CDKL3: variants seen among roughly 807,000 people sequenced by gnomAD.
CDKL3 encodes cyclin-dependent kinase-like 3.
In CDKL3, 65 loss-of-function variants were observed where a neutral mutation model predicts 69.3. That is an observed-to-expected ratio of 0.94 (90% CI 0.77 to 1.15). The LOEUF (loss-of-function observed/expected upper bound fraction) is 1.15, where lower values mean the gene tolerates loss of function less well. Ranked by LOEUF, CDKL3 falls within the 50% of genes most tolerant of loss-of-function variation. The pLI, the probability that CDKL3 is intolerant of heterozygous loss-of-function variation, is 0.00. For missense variants in CDKL3, 652 were observed against 689.2 expected, an observed-to-expected ratio of 0.95 and a Z score of 0.61; for synonymous variants, 202 against 221.6, an observed-to-expected ratio of 0.91 and a Z score of 0.79.
At chr5:134,300,168 G>A (rs967593759) in intron 12 of CDKL3, among the ~76,000 whole-genome samples, 11 of 151,880 alleles carry the variant, frequency 7.2e-5, no homozygotes, top group African/African-American at 2.4e-4. Flanking sequence ...GTGAAACCCC[G>A]TCTCTACTCA....
At chr5:134,317,080 T>G (rs1462734671) in intron 6 of CDKL3, among the ~76,000 whole-genome samples, 1 of 152,186 alleles carries the variant, frequency 6.6e-6, no homozygotes, top group Non-Finnish European at 1.5e-5. Context: ...AATAAATAAA[T>G]TTTGTACTAA....
chr5:134,303,673 C>CCT (rs935566791), intron 11 of CDKL3, among the ~76,000 whole-genome samples: 1 of 151,096 alleles, frequency 6.6e-6, no homozygotes, highest in Non-Finnish European at 1.5e-5. Flanking sequence ...GTGGAACCCC[C>CCT]CCCCCGTCTC....
chr5:134,346,587 C>T (rs1025505997), intron 4 of CDKL3, among the ~76,000 whole-genome samples: 2 of 152,134 alleles, frequency 1.3e-5, no homozygotes, highest in African/African-American at 4.8e-5. Flanking sequence ...ACCTCTGCCT[C>T]CCGGGTTCAA....
In CDKL3 at chr5:134,303,225, G is replaced by A. The variant is rs143743545; in HGVS notation, c.1622-538C>T. 2.2e-3 allele frequency among the ~76,000 whole-genome samples: 334 copies of A among 151,912 alleles called. 8 individuals are homozygous for A. In the East Asian group the frequency reaches 0.051, roughly 23 times the overall value. ...TCCTGCCTCAGCCTCCCAAGTAGCC[G>A]GGATTACAGGCATGAGCCACCATGC... On this transcript the variant is annotated intron_variant, in intron 11 of 12. Transcript: ENST00000265334.
intron 3 of CDKL3, among the ~76,000 whole-genome samples, chr5:134,357,883 T>C (rs1380530005): frequency 6.6e-6 from 1 of 152,158 alleles, no homozygotes; most frequent in Non-Finnish European, 1.5e-5. Context: ...TAAAATAAAA[T>C]TAGATTTTGT....
At chr5:134,337,994 C>A (rs1777523292) in intron 4 of CDKL3, among the ~76,000 whole-genome samples, 1 of 152,094 alleles carries the variant, frequency 6.6e-6, no homozygotes, top group South Asian at 2.1e-4. Flanking sequence ...TTTTTGAAGA[C>A]CCCTCATACA....
rs770434665 is a variant in CDKL3, at chr5:134,321,920, A to G, written c.540-17T>C. The G allele has an allele frequency of 9.6e-6, 12 of 1,249,262 alleles. No individual in the cohort carries two copies. The highest frequency in any genetic ancestry group is 5.0e-5 in the Admixed American group (2 of 39,924). The allele number at this position is 1,249,262 out of a possible 1,614,324, so 77.4% of individuals were successfully genotyped here. On this transcript the variant is annotated splice_polypyrimidine_tract_variant and intron_variant, in intron 4 of 12. Transcript: ENST00000265334. ...TCCACAGGTCTGAAACAGATCAGGG[A>G]AAAAAAAATCACTTTTTCATGTAGA...
At chr5:134,313,028 T>C (rs1769995426) in intron 6 of CDKL3, among the ~76,000 whole-genome samples, 1 of 152,214 alleles carries the variant, frequency 6.6e-6, no homozygotes, top group Non-Finnish European at 1.5e-5. Context: ...AAAACAGGTT[T>C]TCAATAAAAA....
At chr5:134,306,775 G>A in intron 9 of CDKL3, 73 bp from the exon 10 acceptor site, 2 of 302,006 alleles carry the variant, frequency 6.6e-6, no homozygotes, top group Non-Finnish European at 4.9e-6. Flanking sequence ...TTTTTTTTTT[G>A]GCAGATTCTC....
chr5:134,294,979 T>C (rs1348037578), downstream of CDKL3, among the ~76,000 whole-genome samples: 10 of 151,430 alleles, frequency 6.6e-5, no homozygotes, highest in East Asian at 1.2e-3. Flanking sequence ...GTTTGTATCA[T>C]GCTCGTGAAT....
chr5:134,308,748 A>G, intron 7 of CDKL3, 21 bp from the exon 8 acceptor site: 1 of 1,561,204 alleles, frequency 6.4e-7, no homozygotes, highest in Non-Finnish European at 8.6e-7. Flanking sequence ...AAGCAATATC[A>G]ACGAGTAATC....
chr5:134,291,830 A>C (rs1305170668), intron 8 of CDKL3, among the ~76,000 whole-genome samples: 1 of 152,184 alleles, frequency 6.6e-6, no homozygotes, highest in African/African-American at 2.4e-5. Flanking sequence ...ATGTTGGAGT[A>C]ACACGTATCA....
chr5:134,338,722 A>C (rs1029107195), intron 4 of CDKL3, among the ~76,000 whole-genome samples: 12 of 151,414 alleles, frequency 7.9e-5, no homozygotes, highest in African/African-American at 2.9e-4. Flanking sequence ...GATAGTAAAA[A>C]AAATTATTAA....
rs778337033 is a variant in CDKL3, at chr5:134,326,827, A to ATGTG, written c.540-4925_540-4924insCACA. Among the ~76,000 whole-genome samples the ATGTG allele has an allele frequency of 6.8e-5, 7 of 103,086 alleles. No individual in the cohort carries two copies. In the South Asian group the frequency reaches 8.8e-4, roughly 13 times the overall value. 67.6% of individuals were successfully genotyped at this position (103,086 alleles called of 152,430 possible). On this transcript the variant is annotated intron_variant, in intron 4 of 12. Transcript: ENST00000265334. ...TATATATATGTGTGTGTATATATAT[A>ATGTG]TATATATATATATATATATATATAT...
intron 4 of CDKL3, among the ~76,000 whole-genome samples, chr5:134,331,713 T>C (rs566320401): frequency 6.6e-6 from 1 of 152,322 alleles, no homozygotes; most frequent in South Asian, 2.1e-4. Flanking sequence ...TGATGGACAT[T>C]TGGGTTGGTT....
At chr5:134,297,008 A>G (rs1765392975), downstream of CDKL3, among the ~76,000 whole-genome samples, 2 of 139,682 alleles carry the variant, frequency 1.4e-5, no homozygotes, top group Admixed American at 1.6e-4. Context: ...GCTGGAGTGC[A>G]GTGGCCCCAT....
intron 6 of CDKL3, among the ~76,000 whole-genome samples, chr5:134,316,812 A>G (rs1771210065): frequency 6.6e-6 from 1 of 152,182 alleles, no homozygotes; most frequent in Non-Finnish European, 1.5e-5. Flanking sequence ...TAAACAGGTT[A>G]CATAGCAATG....
chr5:134,304,832 A>ATAATATTAT (rs1554078708), intron 10 of CDKL3, among the ~76,000 whole-genome samples: 5 of 146,386 alleles, frequency 3.4e-5, no homozygotes, highest in Admixed American at 1.4e-4. Context: ...AATAATAATA[A>ATAATATTAT]TATTATTATT....
intron 7 of CDKL3, 85 bp downstream of exon 7, chr5:134,312,207 G>T: frequency 2.7e-6 from 2 of 751,286 alleles, no homozygotes; most frequent in South Asian, 1.7e-5. Flanking sequence ...TTATATAAAA[G>T]TAACCTATAC....
Sources: allele counts gnomAD v4.1 joint callset (sites outside exome capture counted in the v4.1 genomes callset), GRCh38; gene constraint gnomAD v4.1.1; transcripts MANE v1.5; gene names NCBI Gene and HGNC (gene_info 2026-07-23, HGNC 2026-07-21).